The following RAP1B variants were observed in gnomAD, a reference collection of about 807,000 sequenced individuals.
RAP1B encodes the protein RAP1B, member of RAS oncogene family.
Under a neutral mutation model 27.5 loss-of-function variants are expected in RAP1B, and 1 was observed. The observed-to-expected ratio is 0.04, with a 90% CI of 0.01 to 0.17. The LOEUF (loss-of-function observed/expected upper bound fraction) is 0.17, where lower values mean the gene tolerates loss of function less well. Ranked by LOEUF, RAP1B falls within the 10% of genes least tolerant of loss-of-function variation. The probability of loss-of-function intolerance (pLI) is 1.00; values close to 1 mark genes in which losing one functional copy is unlikely to be tolerated. For missense variants in RAP1B, 84 were observed against 214.8 expected (o/e 0.39, Z 3.81); for synonymous variants, 75 against 73.1 (o/e 1.03, Z -0.13).
intron 1 of RAP1B, among the ~76,000 whole-genome samples, chr12:68,643,553 C>G (rs1213770991): frequency 6.6e-6 from 1 of 152,158 alleles, no homozygotes; most frequent in African/African-American, 2.4e-5. Context: ...GTAATTAAGA[C>G]TTAAAGAATA....
rs148974494 is a variant in RAP1B, at chr12:68,654,358, G to GT, written c.324+106_324+107insT. ...AAGCTTGTGTATTTTGGTTGGGGGG[G>GT]GGGTGTTGGTTTTTTTAAACTTTTT... On this transcript the variant is annotated intron_variant, in intron 5 of 7. Transcript: ENST00000250559. 89 of 442,542 alleles carry GT rather than the reference G, an allele frequency of 2.0e-4. 5 individuals carry two copies. Among genetic ancestry groups the GT allele is most frequent in the African/African-American group, 1.2e-3 (54 of 45,386 alleles). 27.4% of individuals were successfully genotyped at this position (442,542 alleles called of 1,614,324 possible). A position where few individuals can be genotyped will look rare whatever the true frequency, so the allele number is the denominator to read the frequency against.
intron 1 of RAP1B, among the ~76,000 whole-genome samples, chr12:68,617,330 G>A (rs1013605932): frequency 1.3e-5 from 2 of 152,168 alleles, no homozygotes; most frequent in Non-Finnish European, 2.9e-5. Flanking sequence ...CAACATATTT[G>A]TGGCTGATGC....
intron 1 of RAP1B, among the ~76,000 whole-genome samples, chr12:68,638,573 C>A: frequency 6.6e-6 from 1 of 151,888 alleles, no homozygotes; most frequent in East Asian, 1.9e-4. Context: ...TATCAAACAA[C>A]CATTATGAAG....
intron 1 of RAP1B, among the ~76,000 whole-genome samples, chr12:68,614,402 A>G (rs1460234904): frequency 6.6e-6 from 1 of 152,224 alleles, no homozygotes; most frequent in African/African-American, 2.4e-5. Flanking sequence ...GTGTTGCTAA[A>G]GAGGAGGTTG....
rs1477711811 is a variant in RAP1B, at chr12:68,666,717, T to G, written c.*7468T>G. ...TTGGGGGTTGGGATGTGGACATGCC[T>G]TTGGGAGCCATTAACAACCTACCAA... On this transcript the variant is annotated 3_prime_UTR_variant, in exon 8 of 8. Coordinates refer to ENST00000250559, the MANE Select transcript of RAP1B (RefSeq NM_001010942.3). The G allele has an allele frequency of 2.6e-5, 4 of 152,222 alleles. No homozygotes were observed. The highest frequency in any genetic ancestry group is 4.4e-5 in the Non-Finnish European group (3 of 68,030). 9.4% of individuals were successfully genotyped at this position (152,222 alleles called of 1,614,324 possible).
intron 7 of RAP1B, 113 bp downstream of exon 7, chr12:68,657,330 A>G: frequency 1.5e-6 from 1 of 648,372 alleles, no homozygotes; most frequent in Non-Finnish European, 2.7e-6. Context: ...TAAATGGTTT[A>G]TTTTTATAAG....
intron 4 of RAP1B, among the ~76,000 whole-genome samples, chr12:68,652,893 C>T (rs976423237): frequency 6.6e-6 from 1 of 152,130 alleles, no homozygotes; most frequent in Non-Finnish European, 1.5e-5. Flanking sequence ...GGCATACATT[C>T]ATTCATCAGC....
At chr12:68,653,204 A>G (rs1339978482) in intron 4 of RAP1B, among the ~76,000 whole-genome samples, 2 of 152,168 alleles carry the variant, frequency 1.3e-5, no homozygotes, top group Non-Finnish European at 2.9e-5. Flanking sequence ...GTGAGACTCC[A>G]TTTCAAAAGA....
intron 1 of RAP1B, among the ~76,000 whole-genome samples, chr12:68,629,972 C>T (rs1188149534): frequency 1.3e-5 from 2 of 152,192 alleles, no homozygotes; most frequent in Non-Finnish European, 2.9e-5. Context: ...CAGAAATTTT[C>T]AAATGTTTTT....
At chr12:68,638,771 C>T (rs113070231) in intron 1 of RAP1B, among the ~76,000 whole-genome samples, 6,114 of 152,144 alleles carry the variant, frequency 0.04, 179 homozygotes, top group Middle Eastern at 0.088. Context: ...AATGATTCTC[C>T]TGCCTCAGCC....
chr12:68,665,288 G>C lies in RAP1B; in HGVS notation c.*6039G>C, dbSNP rs763521930. ...CTGTGTGAAAGATAACCCAGAGAGG[G>C]GTAATGGTAGAGCCAGAATTAACAC... is the stretch of plus-strand genomic sequence containing the variant. On this transcript the variant is annotated 3_prime_UTR_variant, in exon 8 of 8. Coordinates refer to ENST00000250559, the MANE Select transcript of RAP1B (RefSeq NM_001010942.3). 5.9e-5 allele frequency: 9 copies of C among 152,184 alleles called. No individual in the cohort carries two copies. Among genetic ancestry groups the C allele is most frequent in the Non-Finnish European group, 1.3e-4 (9 of 68,056 alleles). The allele number at this position is 152,184 out of a possible 1,614,324, so 9.4% of individuals were successfully genotyped here.
At chr12:68,640,900 T>G (rs918957045) in intron 1 of RAP1B, 6 of 152,260 alleles carry the variant, frequency 3.9e-5, no homozygotes, top group Non-Finnish European at 8.8e-5. Flanking sequence ...TTCTGTTAAC[T>G]CAGAATTATT....
At chr12:68,654,589 T>G (rs1179970218) in intron 5 of RAP1B, among the ~76,000 whole-genome samples, 1 of 151,960 alleles carries the variant, frequency 6.6e-6, no homozygotes, top group Non-Finnish European at 1.5e-5. Context: ...GCCATTCTCC[T>G]GCCTCAGCCT....
At chr12:68,652,166 C>A in intron 4 of RAP1B, 115 bp downstream of exon 4, 3 of 790,858 alleles carry the variant, frequency 3.8e-6, no homozygotes, top group Admixed American at 2.4e-5. Flanking sequence ...CTGCTTGCAG[C>A]CGGTTGTAGT....
intron 1 of RAP1B, among the ~76,000 whole-genome samples, chr12:68,615,600 A>G (rs1196056683): frequency 6.6e-6 from 1 of 151,696 alleles, no homozygotes; most frequent in Non-Finnish European, 1.5e-5. Flanking sequence ...AAAAAAAATT[A>G]CTTAGATTGT....
chr12:68,647,975 T>A (rs1873544597), intron 1 of RAP1B: 1 of 152,206 alleles, frequency 6.6e-6, no homozygotes, highest in Non-Finnish European at 1.5e-5. Context: ...CTTTACTGAC[T>A]CTTTAGTTTT....
In RAP1B at chr12:68,661,921, G is replaced by T. The variant is rs1197736170; in HGVS notation, c.*2672G>T. On this transcript the variant is annotated 3_prime_UTR_variant, in exon 8 of 8. Transcript: ENST00000250559. ...GTTCCTACTATATGCCTTTGGTTGGGTGCCTTGGTTTCCTCATCTGTAAAA... is the reference window on the plus strand; with the variant it reads ...GTTCCTACTATATGCCTTTGGTTGGTTGCCTTGGTTTCCTCATCTGTAAAA... 6.6e-6 allele frequency: 1 copy of T among 151,096 alleles called. No homozygotes were observed. Among genetic ancestry groups the T allele is most frequent in the East Asian group, 1.9e-4 (1 of 5,164 alleles). 9.4% of individuals were successfully genotyped at this position (151,096 alleles called of 1,614,324 possible). A position where few individuals can be genotyped will look rare whatever the true frequency, so the allele number is the denominator to read the frequency against.
At chr12:68,637,306 C>A (rs1207581937) in intron 1 of RAP1B, among the ~76,000 whole-genome samples, 2 of 152,004 alleles carry the variant, frequency 1.3e-5, no homozygotes, top group Admixed American at 1.3e-4. Flanking sequence ...GATTAAGACA[C>A]CAGCCTAGAG....
rs912717867 is a variant in RAP1B at position 68,663,892 on chromosome 12, T to C, written c.*4643T>C. 6.6e-6 allele frequency: 1 copy of C among 152,212 alleles called. No individual in the cohort carries two copies. The highest frequency in any genetic ancestry group is 2.4e-5 in the African/African-American group (1 of 41,444). 9.4% of individuals were successfully genotyped at this position (152,212 alleles called of 1,614,324 possible). A position where few individuals can be genotyped will look rare whatever the true frequency, so the allele number is the denominator to read the frequency against. On this transcript the variant is annotated 3_prime_UTR_variant, in exon 8 of 8. Transcript: ENST00000250559. Reference sequence around the variant, plus strand: ...CTCTATTGGTAACAGTCTGTTAAACTTTCTAAGAGCTTTCCAACTTTCTAA... The same window carrying C: ...CTCTATTGGTAACAGTCTGTTAAACCTTCTAAGAGCTTTCCAACTTTCTAA...
Sources: allele counts gnomAD v4.1 joint callset (sites outside exome capture counted in the v4.1 genomes callset), GRCh38; gene constraint gnomAD v4.1.1; transcripts MANE v1.5; gene names NCBI Gene and HGNC (gene_info 2026-07-23, HGNC 2026-07-21).